The following GPATCH2 variants were observed in gnomAD, a reference collection of about 807,000 sequenced individuals.
GPATCH2 encodes G-patch domain containing 2.
In GPATCH2, 51 loss-of-function variants were observed where a neutral mutation model predicts 58.0. The observed-to-expected ratio is 0.88, with a 90% CI of 0.70 to 1.11. The LOEUF is 1.11. Among genes scored for constraint, GPATCH2 ranks in the 50% most tolerant of loss-of-function variants. The pLI is 0.00. For missense variants in GPATCH2, 625 were observed against 652.2 expected (o/e 0.96, Z 0.45); for synonymous variants, 222 against 218.5 (o/e 1.02, Z -0.14).
intron 8 of GPATCH2, among the ~76,000 whole-genome samples, chr1:217,458,891 T>C (rs1477204474): frequency 1.3e-5 from 2 of 152,168 alleles, no homozygotes; most frequent in Non-Finnish European, 2.9e-5. Flanking sequence ...TACCATACAG[T>C]ATATAGTATT....
chr1:217,509,583 C>T (rs1662737855), intron 6 of GPATCH2, among the ~76,000 whole-genome samples: 1 of 152,154 alleles, frequency 6.6e-6, no homozygotes, highest in South Asian at 2.1e-4. Flanking sequence ...CTAGACTGGA[C>T]AGCACCTAAG....
At position 217,624,876 on chromosome 1, in the gene GPATCH2, G is replaced by A. The variant is rs192280758; in HGVS notation, c.57-4377C>T. Among the ~76,000 whole-genome samples, 193 of 151,992 alleles carry A rather than the reference G, an allele frequency of 1.3e-3. 1 individual carries two copies. Among genetic ancestry groups the A allele is most frequent in the African/African-American group, 3.5e-3 (144 of 41,426 alleles). On this transcript the variant is annotated intron_variant, in intron 1 of 9. Transcript: ENST00000366935. ...AATCTTCTGGGAACAGTTAATATTG[G>A]GTAATATCTAAGATAACAATAGTTC...
At chr1:217,549,940 A>G (rs944323151) in intron 5 of GPATCH2, among the ~76,000 whole-genome samples, 2 of 152,204 alleles carry the variant, frequency 1.3e-5, no homozygotes, top group Non-Finnish European at 2.9e-5. Flanking sequence ...TTATATACAA[A>G]CAAAATCATA....
At chr1:217,580,561 T>G (rs1667025141) in intron 5 of GPATCH2, among the ~76,000 whole-genome samples, 1 of 152,210 alleles carries the variant, frequency 6.6e-6, no homozygotes, top group African/African-American at 2.4e-5. Context: ...CCTCCTACTA[T>G]AATTTTTCTT....
chr1:217,459,761 A>T (rs1256809938), intron 8 of GPATCH2, among the ~76,000 whole-genome samples: 2 of 152,130 alleles, frequency 1.3e-5, no homozygotes, highest in African/African-American at 4.8e-5. Flanking sequence ...AATATTCCTA[A>T]CTTTTTTGAG....
chr1:217,520,521 A>T (rs1267112131), intron 5 of GPATCH2, among the ~76,000 whole-genome samples: 3 of 152,210 alleles, frequency 2.0e-5, no homozygotes, highest in Non-Finnish European at 4.4e-5. Context: ...ACACTGTATG[A>T]CTTTTAGGAA....
At chr1:217,577,220 C>A (rs2102732910) in intron 5 of GPATCH2, among the ~76,000 whole-genome samples, 1 of 152,186 alleles carries the variant, frequency 6.6e-6, no homozygotes, top group Admixed American at 6.5e-5. Flanking sequence ...GGAGAAAATT[C>A]CCCAATCAAA....
intron 5 of GPATCH2, among the ~76,000 whole-genome samples, chr1:217,535,224 T>G (rs1664403445): frequency 6.6e-6 from 1 of 152,228 alleles, no homozygotes; most frequent in African/African-American, 2.4e-5. Context: ...TCACTTGACT[T>G]AAGCGAAATA....
chr1:217,445,149 A>G (rs889699144), intron 9 of GPATCH2, among the ~76,000 whole-genome samples: 3 of 152,178 alleles, frequency 2.0e-5, no homozygotes, highest in African/African-American at 7.2e-5. Flanking sequence ...TTAAACTTCA[A>G]AAGGCATTTC....
intron 5 of GPATCH2, among the ~76,000 whole-genome samples, chr1:217,562,182 C>CT (rs1665960485): frequency 6.6e-6 from 1 of 152,194 alleles, no homozygotes; most frequent in East Asian, 1.9e-4. Flanking sequence ...CTGAAATTAA[C>CT]ACGGAATGCC....
At chr1:217,489,543 T>C (rs1661619291) in intron 8 of GPATCH2, among the ~76,000 whole-genome samples, 1 of 152,244 alleles carries the variant, frequency 6.6e-6, no homozygotes. Flanking sequence ...TTGTTTGTTT[T>C]GTCCATTGTT....
chr1:217,557,761 G>T (rs1003713498), intron 5 of GPATCH2, among the ~76,000 whole-genome samples: 2 of 152,034 alleles, frequency 1.3e-5, no homozygotes, highest in African/African-American at 2.4e-5. Flanking sequence ...TGGACTCCTT[G>T]TTCTGTTCCA....
intron 1 of GPATCH2, among the ~76,000 whole-genome samples, chr1:217,629,293 G>T (rs922374312): frequency 6.6e-6 from 1 of 152,082 alleles, no homozygotes; most frequent in African/African-American, 2.4e-5. Context: ...TATTCATTCT[G>T]ACAGAACAGG....
intron 5 of GPATCH2, among the ~76,000 whole-genome samples, chr1:217,552,495 A>G (rs1209810784): frequency 1.3e-5 from 2 of 152,148 alleles, no homozygotes; most frequent in African/African-American, 4.8e-5. Context: ...CAAAGGGAGA[A>G]GAGTCTATGT....
rs554910839 is a variant in GPATCH2 at position 217,590,388 on chromosome 1, C to G, written c.1098+19933G>C. Among the ~76,000 whole-genome samples, 28 of 152,242 alleles carry G rather than the reference C, an allele frequency of 1.8e-4. No individual in the cohort carries two copies. The South Asian group carries it at 5.6e-3, about 30-fold the overall frequency. On this transcript the variant is annotated intron_variant, in intron 5 of 9. Coordinates refer to ENST00000366935, the MANE Select transcript of GPATCH2 (RefSeq NM_018040.5). ...AAAACAGCTCAAAATGCAACCATCT[C>G]ATTTCCCACATTATATACTAAACTT...
intron 8 of GPATCH2, among the ~76,000 whole-genome samples, chr1:217,486,473 T>G (rs1661458099): frequency 6.6e-6 from 1 of 152,174 alleles, no homozygotes; most frequent in Non-Finnish European, 1.5e-5. Flanking sequence ...TGATCATGGC[T>G]CACTGCAGCC....
intron 5 of GPATCH2, among the ~76,000 whole-genome samples, chr1:217,545,182 T>C (rs1182445934): frequency 6.6e-6 from 1 of 152,230 alleles, no homozygotes; most frequent in Non-Finnish European, 1.5e-5. Context: ...CCCCACTTTC[T>C]CACAGGCGGC....
chr1:217,529,001 C>A (rs561210815), intron 5 of GPATCH2, among the ~76,000 whole-genome samples: 8 of 152,094 alleles, frequency 5.3e-5, no homozygotes, highest in Non-Finnish European at 1.0e-4. Flanking sequence ...TCAGTCCAGA[C>A]CAGCTAGAGG....
At chr1:217,458,505 T>A (rs991872803) in intron 8 of GPATCH2, among the ~76,000 whole-genome samples, 2 of 152,188 alleles carry the variant, frequency 1.3e-5, no homozygotes, top group Admixed American at 1.3e-4. Context: ...TGGGGGAATG[T>A]TGAATGGGGT....
Sources: allele counts gnomAD v4.1 joint callset (sites outside exome capture counted in the v4.1 genomes callset), GRCh38; gene constraint gnomAD v4.1.1; transcripts MANE v1.5; gene names NCBI Gene and HGNC (gene_info 2026-07-23, HGNC 2026-07-21).